RNF130: variants seen among roughly 807,000 people sequenced by gnomAD.
RNF130 encodes E3 ubiquitin-protein ligase RNF130.
A neutral mutation model predicts 44.6 loss-of-function variants in RNF130; 21 were observed. The observed-to-expected ratio is 0.47, with a 90% CI of 0.33 to 0.68. RNF130 has a LOEUF of 0.68. Ranked by LOEUF, RNF130 falls within the 30% of genes least tolerant of loss-of-function variation. The probability of loss-of-function intolerance (pLI) is 0.02; values close to 1 mark genes in which losing one functional copy is unlikely to be tolerated. For synonymous variants in RNF130, 214 were observed against 210.4 expected, an observed-to-expected ratio of 1.02 and a Z score of -0.15; for missense variants, 479 against 560.6, an observed-to-expected ratio of 0.85 and a Z score of 1.47.
chr5:179,965,227 G>GC (rs1221719292), intron 7 of RNF130, among the ~76,000 whole-genome samples: 2 of 152,128 alleles, frequency 1.3e-5, no homozygotes, highest in South Asian at 4.1e-4. Context: ...TTTCCACAGT[G>GC]CCCCCCTGCA....
At chr5:179,939,595 G>T in intron 7 of RNF130, 3 of 398,528 alleles carry the variant, frequency 7.5e-6, no homozygotes, top group South Asian at 6.4e-5. Flanking sequence ...AGTAGAAGTT[G>T]ATATAGATTT....
At chr5:179,955,703 T>TA in intron 8 of RNF130, 34 bp from the exon 9 acceptor site, 1 of 1,522,752 alleles carries the variant, frequency 6.6e-7, no homozygotes, top group African/African-American at 1.4e-5. Context: ...GGTCATAAAT[T>TA]AAAGAGTAGT....
chr5:180,054,501 A>G (rs1261721111), intron 1 of RNF130, among the ~76,000 whole-genome samples: 1 of 152,086 alleles, frequency 6.6e-6, no homozygotes, highest in East Asian at 1.9e-4. Flanking sequence ...CTTTACTGAA[A>G]AGACTATTCT....
intron 1 of RNF130, among the ~76,000 whole-genome samples, chr5:180,046,259 G>C (rs1764563728): frequency 6.6e-6 from 1 of 152,274 alleles, no homozygotes; most frequent in East Asian, 1.9e-4. Context: ...TCCAGGGCCA[G>C]CCTCGGCCAG....
intron 7 of RNF130, among the ~76,000 whole-genome samples, chr5:179,934,591 G>A (rs1360004720): frequency 6.9e-6 from 1 of 145,620 alleles, no homozygotes; most frequent in African/African-American, 2.6e-5. Flanking sequence ...CTGTTGCCCA[G>A]GCTGGAGTAC....
intron 3 of RNF130, among the ~76,000 whole-genome samples, chr5:180,007,238 T>C (rs569440160): frequency 6.6e-5 from 10 of 152,010 alleles, no homozygotes; most frequent in African/African-American, 2.4e-4. Flanking sequence ...CCATCTCTAC[T>C]AAAAATACAA....
Position 179,985,542 on chromosome 5 carries a change from AAT to A in RNF130, c.694-5344_694-5343del, listed in dbSNP as rs1425999750. Among the ~76,000 whole-genome samples, 3 of 152,242 alleles carry A rather than the reference AAT, an allele frequency of 2.0e-5. No individual in the cohort carries two copies. In the East Asian group the frequency reaches 5.8e-4, roughly 29 times the overall value. The stretch of plus-strand genomic sequence containing the variant: ...TTCTGGGTGGCCAGGGGCATTATCC[AAT>A]ATCAAAAAAACGTTAAAAGGCAGTC... On this transcript the variant is annotated intron_variant, in intron 3 of 8. Transcript: ENST00000521389.
chr5:179,960,577 G>A (rs772961220), intron 8 of RNF130, among the ~76,000 whole-genome samples: 1 of 152,190 alleles, frequency 6.6e-6, no homozygotes, highest in Non-Finnish European at 1.5e-5. Context: ...GACCACCTGG[G>A]TCCCACACAC....
At chr5:179,981,169 A>T (rs1762828343) in intron 3 of RNF130, among the ~76,000 whole-genome samples, 2 of 143,748 alleles carry the variant, frequency 1.4e-5, no homozygotes, top group African/African-American at 2.6e-5. Flanking sequence ...AGGTGTAAAG[A>T]ACAGGTATGT....
At chr5:179,981,065 G>A (rs1672815209) in intron 3 of RNF130, among the ~76,000 whole-genome samples, 1 of 152,184 alleles carries the variant, frequency 6.6e-6, no homozygotes, top group Admixed American at 6.5e-5. Context: ...GACTGGGAAG[G>A]GGTTAGATGG....
chr5:179,917,474 T>C, exon 8 of RNF130: 1 of 152,374 alleles, frequency 6.6e-6, no homozygotes, highest in African/African-American at 2.4e-5. Flanking sequence ...CCGCTGCTGG[T>C]GGCAAGACTT....
chr5:179,993,133 A>G (rs1421332178), intron 3 of RNF130, among the ~76,000 whole-genome samples: 5 of 152,232 alleles, frequency 3.3e-5, no homozygotes, highest in Non-Finnish European at 7.3e-5. Context: ...GTTGTTGGAC[A>G]TTTGGGTTGG....
At chr5:179,978,899 C>T (rs1762771342) in intron 4 of RNF130, among the ~76,000 whole-genome samples, 1 of 152,146 alleles carries the variant, frequency 6.6e-6, no homozygotes, top group Non-Finnish European at 1.5e-5. Context: ...CCTCCTAGGA[C>T]TGAGAAGGGG....
intron 3 of RNF130, among the ~76,000 whole-genome samples, chr5:179,999,965 C>A (rs537488604): frequency 6.6e-6 from 1 of 151,998 alleles, no homozygotes; most frequent in Non-Finnish European, 1.5e-5. Flanking sequence ...TAAGGTTTGG[C>A]GGTTTACTGT....
intron 2 of RNF130, among the ~76,000 whole-genome samples, chr5:180,020,909 C>A (rs1054765037): frequency 2.0e-5 from 3 of 152,194 alleles, no homozygotes; most frequent in African/African-American, 7.2e-5. Context: ...CCACAAATTA[C>A]TGATCCTCTC....
downstream of RNF130, among the ~76,000 whole-genome samples, chr5:179,953,109 CA>C (rs1432858248): frequency 2.7e-5 from 3 of 110,580 alleles, no homozygotes; most frequent in Admixed American, 1.9e-4. Context: ...AAGGAATCCA[CA>C]AAAAAATATG....
rs187120221 is a variant in RNF130 at position 179,982,627 on chromosome 5, G to A, written c.694-2427C>T. 2.0e-5 allele frequency among the ~76,000 whole-genome samples: 3 copies of A among 152,266 alleles called. No homozygotes were observed. The East Asian group carries it at 5.8e-4, about 29-fold the overall frequency. On this transcript the variant is annotated intron_variant, in intron 3 of 8. Transcript: ENST00000521389. ...GTCTTGCTCTGCTTCCCAAACTGGA[G>A]TACAGTGGTGCAAACACGGCTCACT...
exon 8 of RNF130, chr5:179,919,805 AC>A (rs1315931280): frequency 6.5e-6 from 1 of 152,830 alleles, no homozygotes; most frequent in Non-Finnish European, 1.5e-5. Context: ...CCTTCTCTCA[AC>A]CCCCTTTAGA....
intron 7 of RNF130, among the ~76,000 whole-genome samples, chr5:179,937,580 C>T (rs1761910206): frequency 6.6e-6 from 1 of 152,146 alleles, no homozygotes; most frequent in Non-Finnish European, 1.5e-5. Context: ...GGTAGCAAAT[C>T]AGAACCCTTA....
Sources: gnomAD v4.1 joint callset for allele counts (sites outside exome capture counted in the v4.1 genomes callset) on GRCh38, gnomAD v4.1.1 for gene constraint, MANE v1.5 for transcripts, NCBI Gene and HGNC (gene_info 2026-07-23, HGNC 2026-07-21) for gene names.